Variants in GRK5 observed in about 807,000 individuals in gnomAD.
GRK5 encodes the protein g protein-coupled receptor kinase GRK5.
A neutral mutation model predicts 78.4 loss-of-function variants in GRK5; 40 were observed. The observed-to-expected ratio is 0.51, with a 90% CI of 0.40 to 0.66. The LOEUF is 0.66. GRK5 is among the 30% of genes least tolerant of loss of function. The pLI is 0.00. For synonymous variants in GRK5, 289 were observed against 296.8 expected (o/e 0.97, Z 0.27); for missense variants, 598 against 759.9 (o/e 0.79, Z 2.50).
chr10:119,452,563 T>G lies in GRK5; in HGVS notation c.1405-108T>G. The G allele has an allele frequency of 7.7e-7, 1 of 1,300,878 alleles. No individual in the cohort carries two copies. Among genetic ancestry groups the G allele is most frequent in the Non-Finnish European group, 1.1e-6 (1 of 934,242 alleles). The allele number at this position is 1,300,878 out of a possible 1,614,324, so 80.6% of individuals were successfully genotyped here. On this transcript the variant is annotated intron_variant, in intron 13 of 15. Transcript: ENST00000392870. The surrounding 1 kb of genome is among the most constrained non-coding windows in gnomAD (Gnocchi z 4.4). ...CCACTACCCATAGCAGTTCTGGGGG[T>G]GTGTCCTGGGAAGACTCCCTTCTGC...
intron 4 of GRK5, among the ~76,000 whole-genome samples, chr10:119,415,516 G>A (rs1589797674): frequency 6.6e-6 from 1 of 152,212 alleles, no homozygotes; most frequent in African/African-American, 2.4e-5. Context: ...TGTGTCAAAT[G>A]AAAGAGCAAA....
chr10:119,313,823 G>T (rs1850437820), intron 1 of GRK5, among the ~76,000 whole-genome samples: 1 of 152,176 alleles, frequency 6.6e-6, no homozygotes, highest in South Asian at 2.1e-4. Flanking sequence ...ACCCAGCCTG[G>T]TGTTGGTTTT....
intron 13 of GRK5, 22 bp downstream of exon 13, chr10:119,448,282 C>G: frequency 6.4e-7 from 1 of 1,574,534 alleles, no homozygotes; most frequent in Non-Finnish European, 8.6e-7. Context: ...CCCCCAGCCC[C>G]CAGCAGCTCC....
Position 119,455,011 on chromosome 10 carries a change from T to A in GRK5, c.1717T>A (p.Phe573Ile). 6.2e-7 allele frequency: 1 copy of A among 1,614,108 alleles called. No homozygotes were observed. ...SKSSPSSKTS[F>I]NHHINSNHVS... ...GAGTTCGCCCAGCTCCAAGACCAGT[T>A]TTAACCACCACATAAACTCAAACCA... Residue 573 changes from phenylalanine to isoleucine, a missense_variant, in exon 16 of 16, where the codon TTT becomes ATT. Phe to Ile is a conservative substitution (Grantham distance 21). Coordinates refer to ENST00000392870, the MANE Select transcript of GRK5 (RefSeq NM_005308.3).
At chr10:119,298,169 G>A (rs1002689809) in intron 1 of GRK5, among the ~76,000 whole-genome samples, 2 of 152,170 alleles carry the variant, frequency 1.3e-5, no homozygotes, top group African/African-American at 4.8e-5. Flanking sequence ...TAATCCTCAT[G>A]ATGCAGCTCT....
chr10:119,339,673 C>T (rs964584488), intron 2 of GRK5, among the ~76,000 whole-genome samples: 1 of 152,054 alleles, frequency 6.6e-6, no homozygotes, highest in Non-Finnish European at 1.5e-5. Context: ...GCATGTGGAT[C>T]GCTTGAGCTC....
chr10:119,356,833 G>C (rs1851269204), intron 2 of GRK5, among the ~76,000 whole-genome samples: 1 of 152,222 alleles, frequency 6.6e-6, no homozygotes, highest in Admixed American at 6.5e-5. Context: ...TCTACAGGAG[G>C]CTTTGTATTC....
Position 119,264,532 on chromosome 10 carries a change from A to G in GRK5, c.52+56563A>G, listed in dbSNP as rs1849462896. 3.3e-5 allele frequency among the ~76,000 whole-genome samples: 5 copies of G among 152,138 alleles called. No individual in the cohort carries two copies. The South Asian group carries it at 1.0e-3, about 31-fold the overall frequency. ...TGGCTGTGTGTCCTTAAAGTTAGCT[A>G]TCCCTCAGCAAGAAAGACCACCTCT... On this transcript the variant is annotated intron_variant, in intron 1 of 15. Coordinates refer to ENST00000392870, the MANE Select transcript of GRK5 (RefSeq NM_005308.3). This position sits in a 1 kb window ranked among gnomAD's most constrained non-coding sequence, Gnocchi z 4.1.
intron 1 of GRK5, among the ~76,000 whole-genome samples, chr10:119,273,341 C>T (rs1465909877): frequency 6.6e-6 from 1 of 152,154 alleles, no homozygotes; most frequent in Non-Finnish European, 1.5e-5. Context: ...GGGTCTTTTC[C>T]AGATGGAGCT....
At chr10:119,241,012 C>T (rs914881489) in intron 1 of GRK5, among the ~76,000 whole-genome samples, 1 of 152,240 alleles carries the variant, frequency 6.6e-6, no homozygotes, top group African/African-American at 2.4e-5. Context: ...GCCGGGGGCT[C>T]TCAACCCTTT....
chr10:119,299,333 T>A (rs953994704), intron 1 of GRK5, among the ~76,000 whole-genome samples: 111 of 151,340 alleles, frequency 7.3e-4, no homozygotes, highest in African/African-American at 2.7e-3. Flanking sequence ...AATTCCAGGC[T>A]GAGGCAGGAA....
At chr10:119,346,952 G>A (rs946695446) in intron 2 of GRK5, among the ~76,000 whole-genome samples, 10 of 152,152 alleles carry the variant, frequency 6.6e-5, no homozygotes, top group Admixed American at 3.3e-4. Context: ...TAAGTCTTAC[G>A]GAGATTAGAC....
At chr10:119,280,658 G>T (rs143356571) in intron 1 of GRK5, among the ~76,000 whole-genome samples, 1 of 152,324 alleles carries the variant, frequency 6.6e-6, no homozygotes. Flanking sequence ...GGAATTGCTA[G>T]ATGCTATGGT....
At chr10:119,283,602 T>G (rs2133692791) in intron 1 of GRK5, among the ~76,000 whole-genome samples, 1 of 152,354 alleles carries the variant, frequency 6.6e-6, no homozygotes, top group South Asian at 2.1e-4. Flanking sequence ...CAAGTACCCT[T>G]GGAGGCTAGG....
chr10:119,225,934 C>T (rs1479611237), intron 1 of GRK5, among the ~76,000 whole-genome samples: 4 of 151,326 alleles, frequency 2.6e-5, no homozygotes, highest in African/African-American at 4.9e-5. Flanking sequence ...CTGCAAGCTC[C>T]GCCTCCCGGG....
chr10:119,220,837 A>AG (rs1048359145), intron 1 of GRK5, among the ~76,000 whole-genome samples: 33 of 141,202 alleles, frequency 2.3e-4, no homozygotes, highest in Non-Finnish European at 4.4e-4. Context: ...AAAAAAAAAA[A>AG]ATTTGCAAAG....
chr10:119,402,096 G>A (rs535199371), intron 4 of GRK5, among the ~76,000 whole-genome samples: 13 of 152,320 alleles, frequency 8.5e-5, no homozygotes, highest in Non-Finnish European at 1.9e-4. Flanking sequence ...TGACCCAGAA[G>A]CAACACTCAT....
intron 1 of GRK5, among the ~76,000 whole-genome samples, chr10:119,291,953 TCTCCTC>T (rs1400072048): frequency 0.022 from 1,633 of 73,474 alleles, 375 homozygotes; most frequent in African/African-American, 0.029. Flanking sequence ...TTTTCCTCCT[TCTCCTC>T]CTCTTCCTCC....
At chr10:119,339,151 C>G (rs1177429748) in intron 2 of GRK5, among the ~76,000 whole-genome samples, 1 of 152,186 alleles carries the variant, frequency 6.6e-6, no homozygotes, top group Non-Finnish European at 1.5e-5. Flanking sequence ...GCGGCCTCTG[C>G]CTGGCTTGCC....
Sources: gnomAD v4.1 joint callset for allele counts (sites outside exome capture counted in the v4.1 genomes callset) on GRCh38, gnomAD v4.1.1 for gene constraint, Gnocchi (gnomAD v3.1) non-coding constraint, MANE v1.5 for transcripts, NCBI Gene and HGNC (gene_info 2026-07-23, HGNC 2026-07-21) for gene names.